The following DNAH8 variants were observed in gnomAD, a reference collection of about 807,000 sequenced individuals.
The protein encoded by DNAH8 is dynein axonemal heavy chain 8.
A neutral mutation model predicts 562.1 loss-of-function variants in DNAH8; 382 were observed. That is an observed-to-expected ratio of 0.68 (90% confidence interval 0.63 to 0.74). DNAH8 has a LOEUF of 0.74. Ranked by LOEUF, DNAH8 falls within the 30% of genes least tolerant of loss-of-function variation. DNAH8 has a pLI of 0.00. For missense variants in DNAH8, 5,203 were observed against 5,620.4 expected (o/e 0.93, Z 2.37); for synonymous variants, 1,881 against 1,919.4 (o/e 0.98, Z 0.52).
At chr6:38,774,276 G>A (rs200185802) in intron 12 of DNAH8, among the ~76,000 whole-genome samples, 3 of 152,162 alleles carry the variant, frequency 2.0e-5, no homozygotes, top group Non-Finnish European at 4.4e-5. Context: ...AGGATCTGGA[G>A]CTAGTAGGTG....
intron 73 of DNAH8, among the ~76,000 whole-genome samples, chr6:38,925,582 G>A (rs184838625): frequency 2.2e-3 from 338 of 152,104 alleles, no homozygotes; most frequent in Admixed American, 4.5e-3. Flanking sequence ...TCATTGATGA[G>A]CTCCGGCCAA....
Position 38,781,383 on chromosome 6 carries a change from G to T in DNAH8, c.2259+10G>T, listed in dbSNP as rs375071691. On this transcript the variant is annotated intron_variant, in intron 16 of 92. Coordinates refer to ENST00000327475, the MANE Select transcript of DNAH8 (RefSeq NM_001206927.2). ...CATCAATTATTTCTTTGTAAGCCAAGAATTAAATTTTAATATGTGGATTTT... is the reference window on the plus strand; with the variant it reads ...CATCAATTATTTCTTTGTAAGCCAATAATTAAATTTTAATATGTGGATTTT... 43 of 1,611,318 alleles carry T rather than the reference G, an allele frequency of 2.7e-5. No individual in the cohort carries two copies. The highest frequency in any genetic ancestry group is 3.2e-5 in the Non-Finnish European group (38 of 1,178,936).
rs1287693879 is a variant in DNAH8, at chr6:38,737,083, T to C, written c.779T>C (p.Val260Ala). The part of the protein sequence containing the change: ...KTIQEEALFT[V>A]LDASKGLLNG... Reference sequence around the variant, plus strand: ...CCCTTTCAGGAAGCGCTCTTTACTGTTCTGGATGCGTCGAAAGGACTCTTA... The same window carrying C: ...CCCTTTCAGGAAGCGCTCTTTACTGCTCTGGATGCGTCGAAAGGACTCTTA... The change falls in exon 6 of 93, where the codon GTT becomes GCT. Residue 260 changes from valine (V) to alanine (A), a missense_variant. Around this residue, in one of 6 missense-constraint regions of DNAH8, gnomAD observed 556 missense variants for 496.9 expected, o/e 1.12. Transcript: ENST00000327475. 1.3e-6 allele frequency: 2 copies of C among 1,559,572 alleles called. No homozygotes were observed. Among genetic ancestry groups the C allele is most frequent in the African/African-American group, 2.8e-5 (2 of 71,832 alleles).
chr6:39,006,910 C>G (rs1765832525), intron 88 of DNAH8, among the ~76,000 whole-genome samples: 1 of 152,064 alleles, frequency 6.6e-6, no homozygotes, highest in Admixed American at 6.6e-5. Flanking sequence ...TAGGAATTTC[C>G]TATTATGCTT....
chr6:38,889,651 A>G (rs1042619032), intron 57 of DNAH8, among the ~76,000 whole-genome samples: 23 of 152,174 alleles, frequency 1.5e-4, no homozygotes, highest in African/African-American at 5.3e-4. Context: ...TGCTTGGCAG[A>G]TGGGTGTTGC....
intron 56 of DNAH8, among the ~76,000 whole-genome samples, chr6:38,886,254 G>C (rs1778915178): frequency 1.3e-5 from 2 of 152,096 alleles, no homozygotes. Context: ...CCCTGAGATG[G>C]ACCTGGAAAA....
At chr6:38,900,777 C>T (rs939564008) in intron 62 of DNAH8, among the ~76,000 whole-genome samples, 3 of 152,102 alleles carry the variant, frequency 2.0e-5, no homozygotes, top group African/African-American at 7.2e-5. Context: ...CCACCATGCC[C>T]AGCCAATTTT....
chr6:39,027,599 G>T (rs1029997593), intron 92 of DNAH8, among the ~76,000 whole-genome samples: 5 of 152,200 alleles, frequency 3.3e-5, no homozygotes, highest in Admixed American at 1.3e-4. Context: ...AGGCCAAGGC[G>T]GGAGGATCAC....
rs371300577 is a variant in DNAH8, at chr6:38,815,702, A to T, written c.3523+45A>T. The T allele has an allele frequency of 3.4e-6, 5 of 1,482,866 alleles. No individual in the cohort carries two copies. In the African/African-American group the frequency reaches 5.7e-5, roughly 17 times the overall value. 91.9% of individuals were successfully genotyped at this position (1,482,866 alleles called of 1,614,324 possible). A position where few individuals can be genotyped will look rare whatever the true frequency, so the allele number is the denominator to read the frequency against. ...CAATGATCTTACTGATCCTTTTTGG[A>T]TTTGATAGCATATAGATTTTTAAAT... On this transcript the variant is annotated intron_variant, in intron 26 of 92. Transcript: ENST00000327475.
intron 6 of DNAH8, 124 bp from the exon 7 acceptor site, chr6:38,737,685 A>G (rs1348082725): frequency 1.7e-5 from 6 of 347,124 alleles, no homozygotes; most frequent in Non-Finnish European, 2.7e-5. Flanking sequence ...AAAAGTACAC[A>G]TTGACTTTTA....
rs550946771 is a variant in DNAH8, at chr6:38,890,915, C to T, written c.8583+154C>T. ...CTCAAATAGATTTACAACACCTTTT[C>T]CTTCCAGGGAGCAAATGATCTGACT... On this transcript the variant is annotated intron_variant, in intron 58 of 92. Transcript: ENST00000327475. Among the ~76,000 whole-genome samples the T allele has an allele frequency of 2.0e-5, 3 of 152,264 alleles. No individual in the cohort carries two copies. The East Asian group carries it at 5.8e-4, about 29-fold the overall frequency.
At chr6:38,816,249 C>T (rs989252720) in intron 26 of DNAH8, among the ~76,000 whole-genome samples, 2 of 152,070 alleles carry the variant, frequency 1.3e-5, no homozygotes, top group African/African-American at 4.8e-5. Context: ...CCATCCCCCA[C>T]CAACAGGCTC....
At chr6:38,832,251 G>T (rs1773902109) in intron 30 of DNAH8, 71 bp from the exon 31 acceptor site, 1 of 894,086 alleles carries the variant, frequency 1.1e-6, no homozygotes, top group South Asian at 1.5e-5. Flanking sequence ...ACACTTGTTG[G>T]AATAGAATTG....
At chr6:38,771,766 T>TCA (rs150452124) in intron 12 of DNAH8, among the ~76,000 whole-genome samples, 18,632 of 152,164 alleles carry the variant, frequency 0.12, 1,393 homozygotes, top group Admixed American at 0.22. Flanking sequence ...ACGGATAATA[T>TCA]CAGTTTATTT....
intron 88 of DNAH8, among the ~76,000 whole-genome samples, chr6:38,993,493 G>C (rs1176746118): frequency 6.6e-6 from 1 of 152,014 alleles, no homozygotes; most frequent in Non-Finnish European, 1.5e-5. Context: ...ATATGAACAT[G>C]GTTCAAAAGT....
chr6:38,997,886 T>C (rs150532570), intron 88 of DNAH8, among the ~76,000 whole-genome samples: 14 of 152,314 alleles, frequency 9.2e-5, no homozygotes, highest in Non-Finnish European at 2.1e-4. Flanking sequence ...GCCTCCCGAA[T>C]AGCTGGAACT....
At chr6:39,007,668 C>G (rs994034267) in intron 88 of DNAH8, among the ~76,000 whole-genome samples, 38 of 152,238 alleles carry the variant, frequency 2.5e-4, no homozygotes, top group Non-Finnish European at 1.5e-5. Context: ...TCTTCTCTGT[C>G]CTTGTCGCTC....
chr6:38,722,716 A>G (rs1286857785), intron 1 of DNAH8, 60 bp from the exon 2 acceptor site: 2 of 1,368,100 alleles, frequency 1.5e-6, no homozygotes, highest in African/African-American at 2.9e-5. Flanking sequence ...AAGGGGAGTA[A>G]TAAAAACGTA....
At chr6:38,787,785 C>A (rs1219914207) in intron 18 of DNAH8, among the ~76,000 whole-genome samples, 1 of 151,106 alleles carries the variant, frequency 6.6e-6, no homozygotes, top group Non-Finnish European at 1.5e-5. Flanking sequence ...ATATTCAGAT[C>A]CTAACACATT....
Sources: allele counts gnomAD v4.1 joint callset (sites outside exome capture counted in the v4.1 genomes callset), GRCh38; gene constraint gnomAD v4.1.1; regional missense constraint gnomAD v4.1.1; transcripts MANE v1.5; gene names NCBI Gene and HGNC (gene_info 2026-07-23, HGNC 2026-07-21).